The following SLC49A3 variants were observed in gnomAD, a reference collection of about 807,000 sequenced individuals.
The protein encoded by SLC49A3 is solute carrier family 49 member 3, also known as solute carrier family 49 member A3.
Under a neutral mutation model 43.8 loss-of-function variants are expected in SLC49A3, and 50 were observed. The ratio of observed to expected loss-of-function variants is 1.14; its 90% CI spans 0.91 to 1.45. The LOEUF (loss-of-function observed/expected upper bound fraction) is 1.45. Ranked by LOEUF, SLC49A3 falls within the 40% of genes most tolerant of loss-of-function variation. SLC49A3 has a pLI of 0.00. For missense variants in SLC49A3, 906 were observed against 774.1 expected (o/e 1.17, Z -2.02); for synonymous variants, 413 against 352.0 (o/e 1.17, Z -1.94).
At chr4:690,472 C>A (rs1455037426), upstream of SLC49A3, among the ~76,000 whole-genome samples, 2 of 152,186 alleles carry the variant, frequency 1.3e-5, no homozygotes, top group African/African-American at 2.4e-5. Flanking sequence ...AGGACCCAGC[C>A]CCCTCACAAC....
downstream of SLC49A3, among the ~76,000 whole-genome samples, chr4:677,146 C>G (rs536816147): frequency 3.7e-3 from 563 of 152,338 alleles, 6 homozygotes; most frequent in Non-Finnish European, 2.1e-3. Context: ...TACTGCGTCC[C>G]ACGCAGACGC....
chr4:681,087 C>T (rs1482647573), downstream of SLC49A3: 3 of 1,600,080 alleles, frequency 1.9e-6, no homozygotes, highest in Non-Finnish European at 8.5e-7. Flanking sequence ...TTTCCTCGTC[C>T]TCAGCATCAA....
chr4:682,755 C>T lies in SLC49A3; in HGVS notation c.1261+26G>A, dbSNP rs550594839. 68 of 1,519,462 alleles carry T rather than the reference C, an allele frequency of 4.5e-5. No individual in the cohort carries two copies. The South Asian group carries it at 7.7e-4, about 17-fold the overall frequency. The allele number at this position is 1,519,462 out of a possible 1,614,324, so 94.1% of individuals were successfully genotyped here. ...ACATGGGGCTCACCTGTCCTGTTCC[C>T]TGGGGACTCCCCATGTGAGGCTCAC... is the stretch of plus-strand genomic sequence containing the variant. On this transcript the variant is annotated intron_variant, in intron 9 of 9. Coordinates refer to ENST00000322224, the MANE Select transcript of SLC49A3 (RefSeq NM_032219.4).
intron 2 of SLC49A3, 21 bp from the exon 3 acceptor site, chr4:686,323 A>G (rs752842678): frequency 1.2e-6 from 2 of 1,611,454 alleles, no homozygotes; most frequent in Non-Finnish European, 1.7e-6. Flanking sequence ...GGGGTCGGGG[A>G]CCGGGTCAGG....
At chr4:683,104 C>T in intron 8 of SLC49A3, 106 bp downstream of exon 8, 2 of 1,454,776 alleles carry the variant, frequency 1.4e-6, no homozygotes, top group Non-Finnish European at 1.9e-6. Context: ...GCAGGTTCCC[C>T]ACCTCCCCGA....
At position 683,380 on chromosome 4, in the gene SLC49A3, G is replaced by A. The variant is rs761227502; in HGVS notation, c.994-13C>T. ...GCAGCTGGGACACCTGGGAGCAGCG[G>A]AACGGCAGGCAGACAGGTGGAGGGG... On this transcript the variant is annotated splice_polypyrimidine_tract_variant and intron_variant, in intron 7 of 9. Transcript: ENST00000322224. 3 of 1,604,502 alleles carry A rather than the reference G, an allele frequency of 1.9e-6. No individual in the cohort carries two copies. Among genetic ancestry groups the A allele is most frequent in the East Asian group, 2.2e-5 (1 of 44,774 alleles).
downstream of SLC49A3, chr4:678,020 A>C: frequency 6.2e-7 from 1 of 1,613,412 alleles, no homozygotes; most frequent in Non-Finnish European, 8.5e-7. Flanking sequence ...AGCAGGCAGA[A>C]GCAGGCATGG....
downstream of SLC49A3, chr4:680,806 T>G: frequency 1.6e-6 from 1 of 636,624 alleles, no homozygotes; most frequent in South Asian, 1.9e-5. Context: ...TGGGGCGGCT[T>G]CCCCTCAGCC....
rs369577647 is a variant in SLC49A3 at position 684,755 on chromosome 4, G to A, written c.687C>T (p.Ser229=). ...PPTPPSAGAA[S]STSEKFLDGL... is the part of the protein sequence containing the mutation. ...CATCCAGGAACTTCTCTGAGGTGGA[G>A]CTGGCAGCCCCGGCAGAGGGCGGGG... Residue 229 remains serine (S), a synonymous_variant, in exon 5 of 10, where the codon AGC becomes AGT. Coordinates refer to ENST00000322224, the MANE Select transcript of SLC49A3 (RefSeq NM_032219.4). The A allele has an allele frequency of 9.9e-6, 16 of 1,611,976 alleles. No homozygotes were observed. The African/African-American group carries it at 2.0e-4, about 20-fold the overall frequency.
At chr4:678,978 G>GA (rs764242955), downstream of SLC49A3, 1 of 1,613,834 alleles carries the variant, frequency 6.2e-7, no homozygotes, top group South Asian at 1.1e-5. Context: ...TCATGGATCA[G>GA]AACCGAGATG....
In SLC49A3 at chr4:682,350, A is replaced by G; in HGVS notation, c.1288T>C (p.Cys430Arg). The change falls in exon 10 of 10, where the codon TGC becomes CGC. Residue 430 changes from cysteine to arginine, a missense_variant. Physicochemically the swap from Cys to Arg is radical, Grantham distance 180. Coordinates refer to ENST00000322224, the MANE Select transcript of SLC49A3 (RefSeq NM_032219.4). ...TVSLLLMAGLCTFFSCILAVF... is the reference protein window; with the variant it reads ...TVSLLLMAGLRTFFSCILAVF... The stretch of plus-strand genomic sequence containing the variant: ...GCCAGGATGCAGCTGAAGAAGGTGC[A>G]CAGGCCGGCCATCAGCAGCAGAGAC... 1 of 1,344,864 alleles carries G rather than the reference A, an allele frequency of 7.4e-7. No homozygotes were observed. The highest frequency in any genetic ancestry group is 9.6e-7 in the Non-Finnish European group (1 of 1,038,102). 83.3% of individuals were successfully genotyped at this position (1,344,864 alleles called of 1,614,324 possible).
intron 6 of SLC49A3, among the ~76,000 whole-genome samples, chr4:684,248 C>T (rs1442073920): frequency 6.6e-6 from 1 of 152,144 alleles, no homozygotes; most frequent in African/African-American, 2.4e-5. Context: ...AGGGCACCGT[C>T]AGTCCCTCCG....
At chr4:680,352 C>T (rs1336032065), downstream of SLC49A3, among the ~76,000 whole-genome samples, 1 of 152,162 alleles carries the variant, frequency 6.6e-6, no homozygotes. Context: ...CCTTGGGGCT[C>T]AGGAAAGGAG....
intron 7 of SLC49A3, 64 bp downstream of exon 7, chr4:683,545 C>T: frequency 1.3e-6 from 2 of 1,549,976 alleles, no homozygotes; most frequent in South Asian, 2.5e-5. Context: ...CCGCCAACCG[C>T]CCTCTCCGGG....
chr4:686,310 G>C lies in SLC49A3; in HGVS notation c.295-8C>G. 2 of 1,612,726 alleles carry C rather than the reference G, an allele frequency of 1.2e-6. No homozygotes were observed. The highest frequency in any genetic ancestry group is 1.7e-6 in the Non-Finnish European group (2 of 1,179,828). On this transcript the variant is annotated splice_polypyrimidine_tract_variant and splice_region_variant and intron_variant, in intron 2 of 9. Transcript: ENST00000322224. ...CCACGCACCCAGGATGGTCTGCGAG[G>C]AGGGGGTCGGGGACCGGGTCAGGAA...
Position 685,144 on chromosome 4 carries a change from C to G in SLC49A3, c.586-288G>C. On this transcript the variant is annotated intron_variant, in intron 4 of 9. Transcript: ENST00000322224. This position sits in a 1 kb window ranked among gnomAD's most constrained non-coding sequence, Gnocchi z 4.3. ...GACTTACATCTCACTGCCAGCTGCA[C>G]AGCCCATGATAGGGCTCAACACACA... The G allele has an allele frequency of 2.0e-6, 1 of 502,652 alleles. No homozygotes were observed. The highest frequency in any genetic ancestry group is 3.6e-5 in the East Asian group (1 of 27,418). The allele number at this position is 502,652 out of a possible 1,614,324, so 31.1% of individuals were successfully genotyped here. A position where few individuals can be genotyped will look rare whatever the true frequency, so the allele number is the denominator to read the frequency against.
upstream of SLC49A3, among the ~76,000 whole-genome samples, chr4:690,215 AT>A (rs34714607): frequency 8.8e-3 from 1,274 of 144,408 alleles, 6 homozygotes; most frequent in African/African-American, 0.02. Flanking sequence ...CCACTTTGGG[AT>A]TTTTTTTTTT....
intron 5 of SLC49A3, 28 bp from the exon 6 acceptor site, chr4:684,627 G>A (rs1315153515): frequency 6.2e-7 from 1 of 1,611,938 alleles, no homozygotes; most frequent in South Asian, 1.1e-5. Flanking sequence ...CTCAGCCCCG[G>A]AGCCCGGGGG....
chr4:686,904 C>T (rs561436931), intron 1 of SLC49A3, among the ~76,000 whole-genome samples: 6 of 152,198 alleles, frequency 3.9e-5, no homozygotes, highest in East Asian at 1.9e-4. Flanking sequence ...ATGCCCTGAC[C>T]GGGGACCAGC....
Sources: allele counts gnomAD v4.1 joint callset (sites outside exome capture counted in the v4.1 genomes callset), GRCh38; gene constraint gnomAD v4.1.1; non-coding constraint Gnocchi (gnomAD v3.1); transcripts MANE v1.5; gene names NCBI Gene and HGNC (gene_info 2026-07-23, HGNC 2026-07-21).